The following RGS6 variants were observed in gnomAD, a reference collection of about 807,000 sequenced individuals.
The protein encoded by RGS6 is regulator of G-protein signaling 6.
In RGS6, 30 loss-of-function variants were observed where a neutral mutation model predicts 78.5. The ratio of observed to expected loss-of-function variants is 0.38; its 90% CI spans 0.29 to 0.52. The LOEUF (loss-of-function observed/expected upper bound fraction) is 0.52, where lower values mean the gene tolerates loss of function less well. RGS6 is among the 20% of genes least tolerant of loss of function. RGS6 has a pLI of 0.85. For synonymous variants in RGS6, 206 were observed against 206.0 expected, an observed-to-expected ratio of 1.00 and a Z score of 0.00; for missense variants, 495 against 609.7, an observed-to-expected ratio of 0.81 and a Z score of 1.98.
intron 13 of RGS6, among the ~76,000 whole-genome samples, chr14:72,498,569 T>A (rs1003441997): frequency 6.6e-5 from 10 of 152,148 alleles, no homozygotes; most frequent in Non-Finnish European, 1.0e-4. Context: ...CATTTTTTTT[T>A]AAATCTCCCT....
At chr14:72,547,464 C>A in intron 17 of RGS6, 1 of 763,358 alleles carries the variant, frequency 1.3e-6, no homozygotes, top group Non-Finnish European at 2.1e-6. Context: ...TGATGAGTGT[C>A]CCTGGTTTGA....
chr14:72,300,881 C>T (rs1309452245), intron 2 of RGS6, among the ~76,000 whole-genome samples: 1 of 152,172 alleles, frequency 6.6e-6, no homozygotes, highest in South Asian at 2.1e-4. Context: ...GTGATGTGTC[C>T]TGTACACTGA....
chr14:72,589,368 G>A, the RGS6 span, among the ~76,000 whole-genome samples: 9 of 152,078 alleles, frequency 5.9e-5, no homozygotes, highest in Non-Finnish European at 1.0e-4. Flanking sequence ...TGGCCAACAT[G>A]GTGAAACCCC....
chr14:72,297,430 T>TTATTATTATTA (rs1491549465), intron 2 of RGS6, among the ~76,000 whole-genome samples: 64 of 114,346 alleles, frequency 5.6e-4, no homozygotes, highest in African/African-American at 2.7e-3. Context: ...ATTATTATTA[T>TTATTATTATTA]TTTTTTTTTA....
At chr14:72,339,591 AGTG>A (rs2076618301) in intron 2 of RGS6, among the ~76,000 whole-genome samples, 1 of 152,112 alleles carries the variant, frequency 6.6e-6, no homozygotes, top group African/African-American at 2.4e-5. Context: ...AAGAGTGGGA[AGTG>A]GGGCAATGCA....
At chr14:72,445,181 C>T (rs184219570) in intron 3 of RGS6, among the ~76,000 whole-genome samples, 1 of 152,302 alleles carries the variant, frequency 6.6e-6, no homozygotes, top group East Asian at 1.9e-4. Flanking sequence ...TGAGATTTCT[C>T]TGTTTTGTTT....
intron 2 of RGS6, among the ~76,000 whole-genome samples, chr14:72,242,305 T>G (rs985394605): frequency 6.6e-6 from 1 of 152,192 alleles, no homozygotes; most frequent in Non-Finnish European, 1.5e-5. Context: ...TATGTCTTCA[T>G]GGCAGCTGAA....
At chr14:72,290,460 C>A (rs991392779) in intron 2 of RGS6, among the ~76,000 whole-genome samples, 1 of 152,048 alleles carries the variant, frequency 6.6e-6, no homozygotes, top group South Asian at 2.1e-4. Flanking sequence ...TCCTCAGCTT[C>A]CTTCCTCTCC....
chr14:71,888,645 T>G, the RGS6 span, among the ~76,000 whole-genome samples: 1 of 151,036 alleles, frequency 6.6e-6, no homozygotes, highest in Admixed American at 6.6e-5. Flanking sequence ...ATAGGTAGGA[T>G]TTCATTCAAG....
chr14:72,214,032 A>G (rs1307935512), intron 2 of RGS6, among the ~76,000 whole-genome samples: 1 of 152,126 alleles, frequency 6.6e-6, no homozygotes, highest in Admixed American at 6.5e-5. Context: ...CTGACCTGGC[A>G]CTAATGCTGG....
intron 3 of RGS6, among the ~76,000 whole-genome samples, chr14:72,409,691 C>T (rs918819222): frequency 6.6e-6 from 1 of 151,994 alleles, no homozygotes; most frequent in African/African-American, 2.4e-5. Context: ...TTAGGTATAT[C>T]TCTCAGTGCT....
intron 3 of RGS6, among the ~76,000 whole-genome samples, chr14:72,364,026 A>AAAAAAAT (rs869138887): frequency 1.3e-5 from 2 of 148,354 alleles, no homozygotes; most frequent in African/African-American, 5.0e-5. Context: ...AAAAAAAAAA[A>AAAAAAAT]CTCTATATTT....
intron 2 of RGS6, among the ~76,000 whole-genome samples, chr14:72,034,536 A>G (rs1376887929): frequency 2.0e-5 from 3 of 152,022 alleles, no homozygotes; most frequent in Admixed American, 2.0e-4. Flanking sequence ...GTCATGATGT[A>G]TAATTACTTT....
chr14:72,554,902 C>T (rs1057300222), intron 17 of RGS6, among the ~76,000 whole-genome samples: 2 of 152,240 alleles, frequency 1.3e-5, no homozygotes, highest in African/African-American at 4.8e-5. Flanking sequence ...GTCCTTGTCT[C>T]TCCCACCATC....
chr14:72,312,462 A>G (rs545640856), intron 2 of RGS6, among the ~76,000 whole-genome samples: 1 of 152,320 alleles, frequency 6.6e-6, no homozygotes, highest in Admixed American at 6.5e-5. Flanking sequence ...TAGTAGGAGA[A>G]GAATCCAAGA....
chr14:72,245,575 G>A (rs7155820), intron 2 of RGS6, among the ~76,000 whole-genome samples: 24 of 152,318 alleles, frequency 1.6e-4, no homozygotes, highest in East Asian at 5.8e-4. Context: ...CTCCCTGGGC[G>A]GGCCAGGTGT....
intron 2 of RGS6, among the ~76,000 whole-genome samples, chr14:72,033,594 C>T (rs1182239680): frequency 1.3e-5 from 2 of 152,132 alleles, no homozygotes; most frequent in East Asian, 3.8e-4. Flanking sequence ...GGCTCTTTGC[C>T]ACTGCCCCGA....
chr14:72,018,835 G>T (rs1221911069), intron 2 of RGS6, among the ~76,000 whole-genome samples: 1 of 152,064 alleles, frequency 6.6e-6, no homozygotes, highest in Non-Finnish European at 1.5e-5. Context: ...GCTTGCTTCT[G>T]GTTTTAGTTG....
the RGS6 span, among the ~76,000 whole-genome samples, chr14:71,922,031 C>A: frequency 6.6e-6 from 1 of 152,134 alleles, no homozygotes; most frequent in Admixed American, 6.5e-5. Context: ...ATTTTTTATT[C>A]CTAGTCCCCA....
Sources: allele counts gnomAD v4.1 joint callset (sites outside exome capture counted in the v4.1 genomes callset), GRCh38; gene constraint gnomAD v4.1.1; transcripts MANE v1.5; gene names NCBI Gene and HGNC (gene_info 2026-07-23, HGNC 2026-07-21).